Variants in NXPH1 observed in about 807,000 individuals in gnomAD.
The protein encoded by NXPH1 is neurexophilin 1.
NXPH1 carries 5 observed loss-of-function variants against 23.7 expected under a neutral mutation model. That is an observed-to-expected ratio of 0.21 (90% CI 0.11 to 0.44). The LOEUF (loss-of-function observed/expected upper bound fraction) is 0.44, where lower values mean the gene tolerates loss of function less well. NXPH1 is among the 20% of genes least tolerant of loss of function. The probability of loss-of-function intolerance (pLI) is 0.99; values close to 1 mark genes in which losing one functional copy is unlikely to be tolerated. For synonymous variants in NXPH1, 144 were observed against 122.2 expected, an observed-to-expected ratio of 1.18 and a Z score of -1.18; for missense variants, 324 against 321.6, an observed-to-expected ratio of 1.01 and a Z score of -0.06.
At chr7:8,445,654 T>C (rs1297214609) in intron 2 of NXPH1, among the ~76,000 whole-genome samples, 1 of 152,232 alleles carries the variant, frequency 6.6e-6, no homozygotes, top group African/African-American at 2.4e-5. Flanking sequence ...TTAAAGAGCC[T>C]TTTTCATTTA....
At chr7:8,456,896 C>T (rs1816604578) in intron 2 of NXPH1, among the ~76,000 whole-genome samples, 1 of 152,078 alleles carries the variant, frequency 6.6e-6, no homozygotes, top group African/African-American at 2.4e-5. Flanking sequence ...TTTCTAACTC[C>T]ATTTATACCA....
intron 2 of NXPH1, among the ~76,000 whole-genome samples, chr7:8,480,771 A>G (rs1817059969): frequency 6.6e-6 from 1 of 152,148 alleles, no homozygotes; most frequent in African/African-American, 2.4e-5. Flanking sequence ...AGTCACCAAG[A>G]TTTGTACATT....
intron 2 of NXPH1, among the ~76,000 whole-genome samples, chr7:8,649,248 A>T (rs1820449753): frequency 6.6e-6 from 1 of 152,092 alleles, no homozygotes; most frequent in Non-Finnish European, 1.5e-5. Flanking sequence ...AACATATTTC[A>T]GTATAATTTT....
At chr7:8,459,131 A>C (rs537116039) in intron 2 of NXPH1, among the ~76,000 whole-genome samples, 1 of 150,820 alleles carries the variant, frequency 6.6e-6, no homozygotes, top group African/African-American at 2.4e-5. Flanking sequence ...CTTAATGAAC[A>C]TCTTGGGTTG....
intron 2 of NXPH1, among the ~76,000 whole-genome samples, chr7:8,716,679 G>T (rs1471031268): frequency 6.6e-6 from 1 of 152,004 alleles, no homozygotes; most frequent in Non-Finnish European, 1.5e-5. Flanking sequence ...GTATTACTGG[G>T]ATATGTCTGT....
chr7:8,643,302 C>T (rs1490556781), intron 2 of NXPH1, among the ~76,000 whole-genome samples: 2 of 152,002 alleles, frequency 1.3e-5, no homozygotes, highest in Non-Finnish European at 2.9e-5. Context: ...CATATATATT[C>T]TTATACATGT....
intron 2 of NXPH1, among the ~76,000 whole-genome samples, chr7:8,737,915 C>T (rs768723492): frequency 1.0e-3 from 154 of 152,092 alleles, no homozygotes; most frequent in Non-Finnish European, 5.9e-4. Context: ...TTCTTCCACT[C>T]GGTAGATTCA....
intron 2 of NXPH1, among the ~76,000 whole-genome samples, chr7:8,730,935 T>A (rs1001548826): frequency 6.7e-6 from 1 of 150,278 alleles, no homozygotes; most frequent in South Asian, 2.1e-4. Context: ...CTGCAGAGTG[T>A]TTTCCAACTT....
intron 2 of NXPH1, among the ~76,000 whole-genome samples, chr7:8,632,263 G>A (rs1192702095): frequency 1.3e-5 from 2 of 152,040 alleles, no homozygotes; most frequent in Non-Finnish European, 2.9e-5. Flanking sequence ...ACTAATTTTA[G>A]CTTGAAGCAA....
intron 2 of NXPH1, among the ~76,000 whole-genome samples, chr7:8,702,550 A>G (rs1490812115): frequency 6.6e-6 from 1 of 152,106 alleles, no homozygotes; most frequent in East Asian, 1.9e-4. Context: ...GTTGGATGGG[A>G]AAGAATATAA....
intron 2 of NXPH1, among the ~76,000 whole-genome samples, chr7:8,604,131 T>G (rs758443059): frequency 6.6e-6 from 1 of 152,150 alleles, no homozygotes; most frequent in Non-Finnish European, 1.5e-5. Flanking sequence ...GTAGCTGCCC[T>G]TAATGTTGGT....
At chr7:8,521,887 T>C (rs1469060364) in intron 2 of NXPH1, among the ~76,000 whole-genome samples, 2 of 151,832 alleles carry the variant, frequency 1.3e-5, no homozygotes, top group East Asian at 3.9e-4. Flanking sequence ...GAGATTTGGA[T>C]AGGAGGAGGA....
chr7:8,450,676 G>A (rs964706245), intron 2 of NXPH1, among the ~76,000 whole-genome samples: 2 of 152,180 alleles, frequency 1.3e-5, no homozygotes, highest in African/African-American at 4.8e-5. Context: ...ATGCCTTGGG[G>A]CAAAAAATTA....
At chr7:8,456,723 A>G (rs756583543) in intron 2 of NXPH1, among the ~76,000 whole-genome samples, 3 of 152,194 alleles carry the variant, frequency 2.0e-5, no homozygotes, top group Non-Finnish European at 4.4e-5. Context: ...AAATCCATAA[A>G]GCTATATTCA....
chr7:8,650,536 C>A (rs139563509), intron 2 of NXPH1, among the ~76,000 whole-genome samples: 38 of 152,308 alleles, frequency 2.5e-4, no homozygotes, highest in African/African-American at 8.4e-4. Context: ...CCAAAGGCTG[C>A]CTAATCCTAA....
At chr7:8,513,406 G>A (rs1222125047) in intron 2 of NXPH1, among the ~76,000 whole-genome samples, 2 of 152,066 alleles carry the variant, frequency 1.3e-5, no homozygotes, top group Non-Finnish European at 2.9e-5. Context: ...GTGTTGTGAG[G>A]CTACATGTAG....
At chr7:8,709,487 C>T (rs563341664) in intron 2 of NXPH1, among the ~76,000 whole-genome samples, 1 of 152,258 alleles carries the variant, frequency 6.6e-6, no homozygotes, top group South Asian at 2.1e-4. Context: ...CTCTCTGTAA[C>T]ATCATAATTA....
intron 2 of NXPH1, among the ~76,000 whole-genome samples, chr7:8,448,810 G>A (rs956166223): frequency 1.1e-4 from 12 of 111,218 alleles, no homozygotes; most frequent in African/African-American, 3.3e-4. Flanking sequence ...GCAAGACTTC[G>A]TCTCGGGGAA....
In NXPH1 at chr7:8,639,349, C is replaced by T. The variant is rs563266411; in HGVS notation, c.55-111659C>T. On this transcript the variant is annotated intron_variant, in intron 2 of 2. Coordinates refer to ENST00000405863, the MANE Select transcript of NXPH1 (RefSeq NM_152745.3). ...GAGAATGTGTAGTCAAACAGATTTTCACATCTTGATTCCAGACACTACAAA... is the reference window on the plus strand; with the variant it reads ...GAGAATGTGTAGTCAAACAGATTTTTACATCTTGATTCCAGACACTACAAA... Among the ~76,000 whole-genome samples the T allele has an allele frequency of 4.6e-5, 7 of 152,170 alleles. No homozygotes were observed. In the South Asian group the frequency reaches 1.2e-3, roughly 27 times the overall value.
Sources: gnomAD v4.1 joint callset for allele counts (sites outside exome capture counted in the v4.1 genomes callset) on GRCh38, gnomAD v4.1.1 for gene constraint, MANE v1.5 for transcripts, NCBI Gene and HGNC (gene_info 2026-07-23, HGNC 2026-07-21) for gene names.